The following PPM1H variants were observed in gnomAD, a reference collection of about 807,000 sequenced individuals.
PPM1H encodes the protein protein phosphatase, Mg2+/Mn2+ dependent 1H.
Under a neutral mutation model 54.9 loss-of-function variants are expected in PPM1H, and 27 were observed. The ratio of observed to expected loss-of-function variants is 0.49; its 90% CI spans 0.36 to 0.68. The LOEUF (loss-of-function observed/expected upper bound fraction) is 0.68, where lower values mean the gene tolerates loss of function less well. PPM1H is among the 30% of genes least tolerant of loss of function. The probability of loss-of-function intolerance (pLI) is 0.00; values close to 1 mark genes in which losing one functional copy is unlikely to be tolerated. For missense variants in PPM1H, 596 were observed against 667.8 expected (o/e 0.89, Z 1.19); for synonymous variants, 305 against 270.8 (o/e 1.13, Z -1.24).
Position 62,646,775 on chromosome 12 carries a change from T to C in PPM1H, c.*1714A>G, listed in dbSNP as rs12297799. 17,324 of 152,240 alleles carry C rather than the reference T, an allele frequency of 0.11. 1,787 individuals are homozygous for C. Among genetic ancestry groups the C allele is most frequent in the African/African-American group, 0.27 (11,398 of 41,502 alleles). The allele number at this position is 152,240 out of a possible 1,614,324, so 9.4% of individuals were successfully genotyped here. A position where few individuals can be genotyped will look rare whatever the true frequency, so the allele number is the denominator to read the frequency against. The stretch of plus-strand genomic sequence containing the variant: ...GCCAGACGGCACTGTCTCCACACCC[T>C]GGAATGAGTTCTTTCCTGAGCAGGA... On this transcript the variant is annotated 3_prime_UTR_variant, in exon 10 of 10. Transcript: ENST00000228705.
At position 62,667,066 on chromosome 12, in the gene PPM1H, G is replaced by A. The variant is rs943953173; in HGVS notation, c.1397+112C>T. 39 of 1,237,880 alleles carry A rather than the reference G, an allele frequency of 3.2e-5. No individual in the cohort carries two copies. In the South Asian group the frequency reaches 3.5e-4, roughly 11 times the overall value. The allele number at this position is 1,237,880 out of a possible 1,614,324, so 76.7% of individuals were successfully genotyped here. A position where few individuals can be genotyped will look rare whatever the true frequency, so the allele number is the denominator to read the frequency against. Reference sequence around the variant, plus strand: ...CCTTCTGCAGTTTGGTTACTGTACCGTCCATATCAGCCTCTAAGTCATGAA... The same window carrying A: ...CCTTCTGCAGTTTGGTTACTGTACCATCCATATCAGCCTCTAAGTCATGAA... On this transcript the variant is annotated intron_variant, in intron 9 of 9. Coordinates refer to ENST00000228705, the MANE Select transcript of PPM1H (RefSeq NM_020700.2).
intron 1 of PPM1H, among the ~76,000 whole-genome samples, chr12:62,912,503 C>A (rs1308309070): frequency 2.0e-5 from 3 of 152,040 alleles, no homozygotes; most frequent in Admixed American, 2.0e-4. Context: ...GAGGAGGAGA[C>A]TTGAAGTTGA....
intron 1 of PPM1H, among the ~76,000 whole-genome samples, chr12:62,835,349 A>G (rs1231021975): frequency 1.3e-5 from 2 of 152,236 alleles, no homozygotes; most frequent in Non-Finnish European, 2.9e-5. Flanking sequence ...CTGGATGATC[A>G]TGACTGGCGC....
At chr12:62,740,343 A>G (rs753601363) in intron 4 of PPM1H, among the ~76,000 whole-genome samples, 4 of 152,322 alleles carry the variant, frequency 2.6e-5, no homozygotes, top group South Asian at 2.1e-4. Context: ...CCCAGGCAGC[A>G]TCTGACTGTC....
chr12:62,804,957 G>A lies in PPM1H; in HGVS notation c.412-2797C>T, dbSNP rs558383280. ...CCCAAAGTGCTGGGATTACAGGCCT[G>A]AGCCACCGCGCCCGGCCCATTTTGG... On this transcript the variant is annotated intron_variant, in intron 2 of 9. Transcript: ENST00000228705. Among the ~76,000 whole-genome samples the A allele has an allele frequency of 1.9e-3, 294 of 152,238 alleles. 6 individuals carry two copies. Among genetic ancestry groups the A allele is most frequent in the Non-Finnish European group, 7.4e-5 (5 of 68,012 alleles).
chr12:62,842,642 AAAGTTATACAG>A (rs1868797289), intron 1 of PPM1H, among the ~76,000 whole-genome samples: 1 of 152,246 alleles, frequency 6.6e-6, no homozygotes, highest in African/African-American at 2.4e-5. Flanking sequence ...CAAGAGGAAT[AAAGTTATACAG>A]AAGGGGACTG....
chr12:62,770,022 A>G (rs1299172310), intron 4 of PPM1H, among the ~76,000 whole-genome samples: 1 of 151,908 alleles, frequency 6.6e-6, no homozygotes, highest in Admixed American at 6.6e-5. Context: ...TTTTATCTGC[A>G]GCTATTTGCT....
chr12:62,866,251 A>T (rs1483714883), intron 1 of PPM1H, among the ~76,000 whole-genome samples: 2 of 152,170 alleles, frequency 1.3e-5, no homozygotes, highest in Non-Finnish European at 2.9e-5. Flanking sequence ...GAGCCTGTCC[A>T]GTTCCTCCAG....
rs543531599 is a variant in PPM1H, at chr12:62,733,559, T to C, written c.954+3943A>G. Among the ~76,000 whole-genome samples, 6 of 152,278 alleles carry C rather than the reference T, an allele frequency of 3.9e-5. No homozygotes were observed. In the South Asian group the frequency reaches 1.2e-3, roughly 32 times the overall value. ...GGTGTGAGCCACCATGCCTGGCCGA[T>C]ACTATTTTCAAGATTTTACACTATT... On this transcript the variant is annotated intron_variant, in intron 5 of 9. Transcript: ENST00000228705.
intron 3 of PPM1H, among the ~76,000 whole-genome samples, chr12:62,799,037 C>T (rs1170661066): frequency 2.6e-5 from 4 of 152,296 alleles, no homozygotes; most frequent in Admixed American, 6.5e-5. Context: ...CCCAGTCAGG[C>T]CTGGCTTCTA....
intron 6 of PPM1H, among the ~76,000 whole-genome samples, chr12:62,705,964 G>A (rs1262294554): frequency 2.0e-5 from 3 of 152,122 alleles, no homozygotes; most frequent in Non-Finnish European, 4.4e-5. Context: ...CTCTGTGTCG[G>A]CCCTTGCGGC....
chr12:62,788,236 C>A lies in PPM1H; in HGVS notation c.859G>T (p.Gly287Trp). The A allele has an allele frequency of 6.3e-7, 1 of 1,589,412 alleles. No homozygotes were observed. Among genetic ancestry groups the A allele is most frequent in the Non-Finnish European group, 8.6e-7 (1 of 1,165,150 alleles). ...LLGKLYVANA[G>W]DSRAIIIRNG... ...AGCTCATCTGCTTACCTGCTATCCCCAGCATTTGCAACATACAGCTTCCCC... is the reference window on the plus strand; with the variant it reads ...AGCTCATCTGCTTACCTGCTATCCCAAGCATTTGCAACATACAGCTTCCCC... Residue 287 changes from glycine (G) to tryptophan (W), a missense_variant, in exon 4 of 10, where the codon GGG becomes TGG. Around this residue, in one of 3 missense-constraint regions of PPM1H, gnomAD observed 382 missense variants for 387.1 expected, o/e 0.99. Coordinates refer to ENST00000228705, the MANE Select transcript of PPM1H (RefSeq NM_020700.2).
At chr12:62,747,919 T>C (rs890868446) in intron 4 of PPM1H, among the ~76,000 whole-genome samples, 2 of 152,122 alleles carry the variant, frequency 1.3e-5, no homozygotes, top group African/African-American at 4.8e-5. Context: ...AGAAAAAAAT[T>C]ATACATGCAC....
At chr12:62,680,327 C>G (rs993493995) in intron 8 of PPM1H, among the ~76,000 whole-genome samples, 1 of 145,426 alleles carries the variant, frequency 6.9e-6, no homozygotes, top group Non-Finnish European at 1.5e-5. Context: ...CTCTCTCTCT[C>G]TTTCTTTCTG....
In PPM1H at chr12:62,737,502, C is replaced by A; in HGVS notation, c.954G>T (p.Leu318=). 6.4e-7 allele frequency: 1 copy of A among 1,560,392 alleles called. No homozygotes were observed. Among genetic ancestry groups the A allele is most frequent in the Non-Finnish European group, 8.7e-7 (1 of 1,146,452 alleles). The part of the protein sequence containing the change: ...PETERQRLQY[L]AFMQPHLLGN... ...TCTGCCAAGCCTAGATGACTCTTACCAGGTACTGAAGTCGCTGGCGCTCCG... is the reference window on the plus strand; with the variant it reads ...TCTGCCAAGCCTAGATGACTCTTACAAGGTACTGAAGTCGCTGGCGCTCCG... The change falls in exon 5 of 10, where the codon CTG becomes CTT. Residue 318 remains leucine, a splice_region_variant and synonymous_variant. Transcript: ENST00000228705.
chr12:62,723,960 G>C (rs1243453762), intron 5 of PPM1H, among the ~76,000 whole-genome samples: 1 of 152,034 alleles, frequency 6.6e-6, no homozygotes, highest in African/African-American at 2.4e-5. Flanking sequence ...CTCCTCTAAA[G>C]CAAGCCATGA....
At chr12:62,742,692 C>T (rs545716390) in intron 4 of PPM1H, among the ~76,000 whole-genome samples, 106 of 152,304 alleles carry the variant, frequency 7.0e-4, no homozygotes, top group Non-Finnish European at 1.4e-3. Flanking sequence ...AGGAGAGCTA[C>T]GTATACACTC....
chr12:62,934,545 G>T lies in PPM1H; in HGVS notation c.192C>A (p.Pro64=). Residue 64 remains proline (P), a synonymous_variant, in exon 1 of 10, where the codon CCC becomes CCA. Coordinates refer to ENST00000228705, the MANE Select transcript of PPM1H (RefSeq NM_020700.2). This position sits in a 1 kb window ranked among gnomAD's most constrained non-coding sequence, Gnocchi z 4.2. ...GCCGAGTCTCCTTGAGGATGAGGAT[G>T]GGGCGGGCGATGTGGTCGGCGCTGC... ...VECSADHIAR[P]ILILKETRRL... The T allele has an allele frequency of 6.4e-7, 1 of 1,552,760 alleles. No individual in the cohort carries two copies. Among genetic ancestry groups the T allele is most frequent in the Non-Finnish European group, 8.7e-7 (1 of 1,148,846 alleles).
chr12:62,819,738 C>T (rs1300201204), intron 2 of PPM1H, among the ~76,000 whole-genome samples: 1 of 151,622 alleles, frequency 6.6e-6, no homozygotes, highest in Non-Finnish European at 1.5e-5. Context: ...GCAGATGAAA[C>T]CCGAAATTAA....
Sources: gnomAD v4.1 joint callset for allele counts (sites outside exome capture counted in the v4.1 genomes callset) on GRCh38, gnomAD v4.1.1 for gene constraint, gnomAD v4.1.1 regional missense constraint, Gnocchi (gnomAD v3.1) non-coding constraint, MANE v1.5 for transcripts, NCBI Gene and HGNC (gene_info 2026-07-23, HGNC 2026-07-21) for gene names.